Variants in ANO1 observed in about 807,000 individuals in gnomAD.
ANO1 encodes anoctamin-1.
In ANO1, 59 loss-of-function variants were observed where a neutral mutation model predicts 124.0. The observed-to-expected ratio is 0.48, with a 90% confidence interval of 0.39 to 0.59. ANO1 has a LOEUF of 0.59. Ranked by LOEUF, ANO1 falls within the 20% of genes least tolerant of loss-of-function variation. ANO1 has a pLI of 0.00. For missense variants in ANO1, 1,059 were observed against 1,328.0 expected (o/e 0.80, Z 3.15); for synonymous variants, 529 against 532.0 (o/e 0.99, Z 0.08).
In ANO1 at chr11:70,014,634, C is replaced by T. The variant is rs1856667173; in HGVS notation, c.58+28468C>T. The stretch of plus-strand genomic sequence containing the variant: ...CTTGTGAAGGTCTCTTGGGGAACGT[C>T]TGGGAACACTCCTGTTGAGAGTATG... On this transcript the variant is annotated intron_variant, in intron 1 of 27. Coordinates refer to the ANO1 transcript ENST00000531349. Among the ~76,000 whole-genome samples the T allele has an allele frequency of 2.0e-5, 3 of 152,148 alleles. No homozygotes were observed. In the South Asian group the frequency reaches 6.2e-4, roughly 32 times the overall value.
In ANO1 at chr11:70,095,416, A is replaced by AT. The variant is rs2044896929; in HGVS notation, c.441+7332_441+7333insT. Among the ~76,000 whole-genome samples, 22 of 37,778 alleles carry AT rather than the reference A, an allele frequency of 5.8e-4. 4 individuals are homozygous for AT. In the South Asian group the frequency reaches 0.015, roughly 25 times the overall value. 24.8% of individuals were successfully genotyped at this position (37,778 alleles called of 152,430 possible). Reference sequence around the variant, plus strand: ...AAAGAAAGAAAGAAAGAAAGAAAGAAAGAAAGAAAGAAAAGAAAAGAAAGA... The same window carrying AT: ...AAAGAAAGAAAGAAAGAAAGAAAGAATAGAAAGAAAGAAAAGAAAAGAAAGA... On this transcript the variant is annotated intron_variant, in intron 2 of 25. Coordinates refer to ENST00000355303, the MANE Select transcript of ANO1 (RefSeq NM_018043.7).
chr11:70,006,935 G>T (rs1555000189), intron 1 of ANO1, among the ~76,000 whole-genome samples: 2 of 152,052 alleles, frequency 1.3e-5, no homozygotes, highest in African/African-American at 4.8e-5. Context: ...CTCCCAAAGT[G>T]CTGGGATGAC....
At chr11:70,139,613 C>T (rs1252564919) in intron 11 of ANO1, among the ~76,000 whole-genome samples, 3 of 152,178 alleles carry the variant, frequency 2.0e-5, no homozygotes, top group Admixed American at 6.5e-5. Context: ...TGTAAGCCAC[C>T]ACGCCCGGCC....
At chr11:70,066,456 G>T (rs560813653) in intron 1 of ANO1, among the ~76,000 whole-genome samples, 2 of 152,186 alleles carry the variant, frequency 1.3e-5, no homozygotes, top group East Asian at 3.9e-4. Flanking sequence ...AGGGACAGAG[G>T]GGGAGGAGGC....
chr11:70,166,757 C>G (rs1324386500), intron 20 of ANO1, among the ~76,000 whole-genome samples: 1 of 152,234 alleles, frequency 6.6e-6, no homozygotes, highest in Non-Finnish European at 1.5e-5. Context: ...AGCCATGACA[C>G]TTGCCCCCTG....
In ANO1 at chr11:70,188,280, C is replaced by A; in HGVS notation, c.*276C>A. 2.0e-6 allele frequency: 1 copy of A among 496,230 alleles called. No homozygotes were observed. Among genetic ancestry groups the A allele is most frequent in the Non-Finnish European group, 3.6e-6 (1 of 279,422 alleles). 30.7% of individuals were successfully genotyped at this position (496,230 alleles called of 1,614,324 possible). A position where few individuals can be genotyped will look rare whatever the true frequency, so the allele number is the denominator to read the frequency against. ...TAATACGGCAATAAGGTAGCAAAGG[C>A]AGGTGCTTTGCAGAAAGAATGCTTG... On this transcript the variant is annotated 3_prime_UTR_variant, in exon 26 of 26. Coordinates refer to ENST00000355303, the MANE Select transcript of ANO1 (RefSeq NM_018043.7).
chr11:70,182,466 C>A (rs2048963716), intron 23 of ANO1, 36 bp from the exon 24 acceptor site: 6 of 1,468,624 alleles, frequency 4.1e-6, no homozygotes, highest in Non-Finnish European at 5.4e-6. Flanking sequence ...TGCGCCCAGG[C>A]TGGGGGTCCC....
chr11:70,030,308 G>A (rs72939624), intron 1 of ANO1, among the ~76,000 whole-genome samples: 21,492 of 152,232 alleles, frequency 0.14, 1,599 homozygotes, highest in African/African-American at 0.17. Flanking sequence ...TGAGGACTGG[G>A]CAAAGGTATC....
intron 2 of ANO1, among the ~76,000 whole-genome samples, chr11:70,095,263 G>GGAAGGAAGGAAGGAAGGAAGGAAA (rs1383786505): frequency 0.023 from 1,392 of 61,516 alleles, 150 homozygotes; most frequent in Non-Finnish European, 0.036. Context: ...AAGGAAGGAA[G>GGAAGGAAGGAAGGAAGGAAGGAAA]GAAGGAAGGA....
At chr11:70,135,761 G>A (rs1248890020) in intron 11 of ANO1, among the ~76,000 whole-genome samples, 9 of 152,374 alleles carry the variant, frequency 5.9e-5, no homozygotes, top group East Asian at 3.9e-4. Context: ...GAAGGAGCCC[G>A]GATGAAGAAA....
chr11:70,154,941 G>A (rs1015118775), intron 14 of ANO1, among the ~76,000 whole-genome samples: 2 of 152,200 alleles, frequency 1.3e-5, no homozygotes, highest in African/African-American at 4.8e-5. Flanking sequence ...GGCCCTCTGC[G>A]CCCCTCATTC....
At chr11:69,974,594 A>G in the ANO1 span, among the ~76,000 whole-genome samples, 32 of 152,344 alleles carry the variant, frequency 2.1e-4, no homozygotes, top group South Asian at 6.2e-3. Context: ...CCCTGGACCC[A>G]GGGATGGGGG....
intron 1 of ANO1, among the ~76,000 whole-genome samples, chr11:70,052,590 T>C (rs1460148303): frequency 2.2e-5 from 3 of 135,314 alleles, no homozygotes; most frequent in Non-Finnish European, 4.7e-5. Context: ...TTTTTTCTTT[T>C]CGCCCAGGCT....
Position 70,153,113 on chromosome 11 carries a change from G to A in ANO1, c.1410G>A (p.Glu470=). The change falls in exon 14 of 26, where the codon GAG becomes GAA. Residue 470 remains glutamate (E), a synonymous_variant. Transcript: ENST00000355303. ...ARVLEKSLKK[E]SRNKEKRRHI... The stretch of plus-strand genomic sequence containing the variant: ...TCTTGGAGAAGTCTCTGAAGAAAGA[G>A]TCCAGAAACAAAGAGGTATGGTGGC... The A allele has an allele frequency of 6.2e-7, 1 of 1,605,966 alleles. No individual in the cohort carries two copies. Among genetic ancestry groups the A allele is most frequent in the East Asian group, 2.2e-5 (1 of 44,748 alleles).
rs775889781 is a variant in ANO1 at position 70,103,988 on chromosome 11, C to G, written c.541-11C>G. On this transcript the variant is annotated splice_polypyrimidine_tract_variant and intron_variant, in intron 3 of 25. Coordinates refer to ENST00000355303, the MANE Select transcript of ANO1 (RefSeq NM_018043.7). ...GTGACGCAGCTCCCCGGTCCCTTGT[C>G]TTATCTGCAGATGTACCACATTAAT... The G allele has an allele frequency of 6.8e-6, 11 of 1,610,348 alleles. No homozygotes were observed. Among genetic ancestry groups the G allele is most frequent in the Admixed American group, 1.7e-5 (1 of 59,630 alleles).
chr11:70,025,095 G>A (rs183855465), intron 1 of ANO1, among the ~76,000 whole-genome samples: 43 of 152,318 alleles, frequency 2.8e-4, no homozygotes. Context: ...GAAACCACAT[G>A]GGCTGGAGCT....
intron 1 of ANO1, among the ~76,000 whole-genome samples, chr11:70,060,643 C>T (rs1857551394): frequency 6.6e-6 from 1 of 152,248 alleles, no homozygotes; most frequent in African/African-American, 2.4e-5. Context: ...GTTGTGAGAA[C>T]TGTAAAGGGT....
chr11:69,986,230 GC>G, intron 1 of ANO1: 1 of 152,508 alleles, frequency 6.6e-6, no homozygotes, highest in Non-Finnish European at 1.5e-5. Context: ...GATCTGGGAC[GC>G]CCCAGGGGCA....
chr11:70,159,043 C>T (rs984858327), intron 16 of ANO1, among the ~76,000 whole-genome samples: 2 of 152,154 alleles, frequency 1.3e-5, no homozygotes, highest in Non-Finnish European at 1.5e-5. Flanking sequence ...GCAGCATTGT[C>T]GCAGAAGGGC....
Sources: gnomAD v4.1 joint callset for allele counts (sites outside exome capture counted in the v4.1 genomes callset) on GRCh38, gnomAD v4.1.1 for gene constraint, MANE v1.5 for transcripts, NCBI Gene and HGNC (gene_info 2026-07-23, HGNC 2026-07-21) for gene names.